CDC16: variants seen among roughly 807,000 people sequenced by gnomAD.
The protein encoded by CDC16 is cell division cycle 16, also known as cell division cycle protein 16 homolog.
CDC16 carries 34 observed loss-of-function variants against 87.0 expected under a neutral mutation model. That is an observed-to-expected ratio of 0.39 (90% CI 0.30 to 0.52). CDC16 has a LOEUF of 0.52. Ranked by LOEUF, CDC16 falls within the 20% of genes least tolerant of loss-of-function variation. The pLI is 0.74. For synonymous variants in CDC16, 263 were observed against 260.6 expected, an observed-to-expected ratio of 1.01 and a Z score of -0.09; for missense variants, 653 against 751.9, an observed-to-expected ratio of 0.87 and a Z score of 1.54.
At chr13:114,243,078 G>A (rs575759374) in intron 6 of CDC16, among the ~76,000 whole-genome samples, 179 bp from the exon 7 acceptor site, 9 of 152,322 alleles carry the variant, frequency 5.9e-5, no homozygotes, top group Admixed American at 1.3e-4. Context: ...CCCACCAGAT[G>A]ATTCCCGTCT....
At chr13:114,260,295 C>T (rs1346791912) in intron 14 of CDC16, among the ~76,000 whole-genome samples, 1 of 152,236 alleles carries the variant, frequency 6.6e-6, no homozygotes, top group Non-Finnish European at 1.5e-5. Context: ...TGTGTTTGCA[C>T]ATGCGTGTAT....
At chr13:114,258,797 T>C (rs2082661880) in intron 13 of CDC16, among the ~76,000 whole-genome samples, 1 of 148,846 alleles carries the variant, frequency 6.7e-6, no homozygotes, top group Non-Finnish European at 1.5e-5. Flanking sequence ...ACAGTGACTT[T>C]ATAGAACATA....
chr13:114,264,930 C>G (rs1010098480), intron 16 of CDC16: 10 of 450,288 alleles, frequency 2.2e-5, no homozygotes, highest in Non-Finnish European at 4.1e-5. Context: ...TTTAAAAAAT[C>G]TTTTTTGGGG....
chr13:114,257,425 T>C (rs1305678557), intron 13 of CDC16, among the ~76,000 whole-genome samples, 195 bp downstream of exon 13: 3 of 152,188 alleles, frequency 2.0e-5, no homozygotes, highest in Non-Finnish European at 2.9e-5. Flanking sequence ...AACCCAGGTT[T>C]TGGTCTTTTT....
intron 3 of CDC16, among the ~76,000 whole-genome samples, chr13:114,237,562 G>T (rs2081318756): frequency 6.6e-6 from 1 of 152,104 alleles, no homozygotes; most frequent in Admixed American, 6.5e-5. Flanking sequence ...AAAGTGCTGG[G>T]ATTATAGATG....
chr13:114,263,121 T>C (rs1594666662), intron 16 of CDC16, 107 bp downstream of exon 16: 6 of 931,762 alleles, frequency 6.4e-6, no homozygotes, highest in Non-Finnish European at 1.0e-5. Context: ...TAATATTCTT[T>C]AGGCAACCTT....
At chr13:114,245,906 C>A in intron 9 of CDC16, 94 bp from the exon 10 acceptor site, 4 of 697,912 alleles carry the variant, frequency 5.7e-6, no homozygotes, top group Non-Finnish European at 5.0e-6. Context: ...GCTGTAAGAG[C>A]AGAATTATAT....
intron 12 of CDC16, among the ~76,000 whole-genome samples, chr13:114,255,429 G>T (rs1161649624): frequency 2.0e-5 from 3 of 151,934 alleles, no homozygotes; most frequent in Non-Finnish European, 4.4e-5. Context: ...GTATATGATA[G>T]GCCCAACAAT....
chr13:114,264,447 C>T (rs1348441298), intron 16 of CDC16, among the ~76,000 whole-genome samples: 3 of 152,060 alleles, frequency 2.0e-5, no homozygotes, highest in Non-Finnish European at 4.4e-5. Context: ...TAGCCCTGCG[C>T]CCGGTCCCAG....
At chr13:114,269,450 A>G (rs551444416) in intron 17 of CDC16, among the ~76,000 whole-genome samples, 5 of 152,210 alleles carry the variant, frequency 3.3e-5, no homozygotes, top group South Asian at 4.2e-4. Flanking sequence ...ATGATTGACC[A>G]TACTGATTTT....
intron 1 of CDC16, among the ~76,000 whole-genome samples, chr13:114,236,266 A>T (rs1156421398): frequency 2.6e-5 from 4 of 152,278 alleles, no homozygotes; most frequent in Admixed American, 6.5e-5. Flanking sequence ...TCTAAATTTC[A>T]CTTTGGGATT....
intron 12 of CDC16, among the ~76,000 whole-genome samples, chr13:114,255,395 G>A (rs567279886): frequency 6.6e-6 from 1 of 152,142 alleles, no homozygotes; most frequent in African/African-American, 2.4e-5. Context: ...CTATTACACT[G>A]TTACTGGTAA....
At chr13:114,264,577 T>C (rs960919393) in intron 16 of CDC16, among the ~76,000 whole-genome samples, 2 of 151,092 alleles carry the variant, frequency 1.3e-5, no homozygotes, top group Non-Finnish European at 2.9e-5. Context: ...AGGAAAAAAA[T>C]ACAGAAGGCT....
chr13:114,263,404 T>C (rs1416597768), intron 16 of CDC16, among the ~76,000 whole-genome samples: 3 of 152,222 alleles, frequency 2.0e-5, no homozygotes, highest in African/African-American at 7.2e-5. Context: ...AAAGAACCTT[T>C]CATTAATCCA....
chr13:114,240,593 A>G (rs144825035), intron 5 of CDC16, among the ~76,000 whole-genome samples: 85 of 152,296 alleles, frequency 5.6e-4, no homozygotes, highest in African/African-American at 1.9e-3. Context: ...CCTGGGCTCA[A>G]GTGATCCTCC....
At chr13:114,266,268 C>T (rs191571094) in intron 17 of CDC16, among the ~76,000 whole-genome samples, 301 of 152,276 alleles carry the variant, frequency 2.0e-3, no homozygotes, top group African/African-American at 6.6e-3. Flanking sequence ...TCTCCTAAAA[C>T]GGGGTCTGTG....
At chr13:114,259,756 T>G (rs1318253873) in intron 14 of CDC16, among the ~76,000 whole-genome samples, 5 of 152,218 alleles carry the variant, frequency 3.3e-5, no homozygotes, top group Admixed American at 6.5e-5. Flanking sequence ...TCAGAGAGCT[T>G]CTTTGACTGA....
intron 12 of CDC16, among the ~76,000 whole-genome samples, chr13:114,254,276 TTATTGTC>T (rs1180696493): frequency 6.6e-6 from 1 of 152,232 alleles, no homozygotes; most frequent in Non-Finnish European, 1.5e-5. Flanking sequence ...GTTTTGTTCT[TTATTGTC>T]TATACATCAC....
intron 8 of CDC16, chr13:114,244,492 A>G (rs1403502474): frequency 6.1e-6 from 1 of 163,528 alleles, no homozygotes; most frequent in Non-Finnish European, 1.3e-5. Context: ...TAACCTATTT[A>G]TTAGTTTGGT....
Sources: gnomAD v4.1 joint callset for allele counts (sites outside exome capture counted in the v4.1 genomes callset) on GRCh38, gnomAD v4.1.1 for gene constraint, MANE v1.5 for transcripts, NCBI Gene and HGNC (gene_info 2026-07-23, HGNC 2026-07-21) for gene names.